XPR1: variants seen among roughly 807,000 people sequenced by gnomAD.
XPR1 encodes the protein solute carrier family 53 member 1.
In XPR1, 28 loss-of-function variants were observed where a neutral mutation model predicts 87.5. The observed-to-expected ratio is 0.32, with a 90% confidence interval of 0.24 to 0.44. The LOEUF (loss-of-function observed/expected upper bound fraction) is 0.44. Among genes scored for constraint, XPR1 ranks in the 20% least tolerant of loss-of-function variants. The pLI is 1.00. For missense variants in XPR1, 559 were observed against 862.3 expected (o/e 0.65, Z 4.41); for synonymous variants, 300 against 306.1 (o/e 0.98, Z 0.21).
intron 2 of XPR1, among the ~76,000 whole-genome samples, chr1:180,737,534 G>T (rs969798437): frequency 6.6e-6 from 1 of 152,140 alleles, no homozygotes; most frequent in Non-Finnish European, 1.5e-5. Flanking sequence ...GTAAATCCAT[G>T]TAATCAGCAC....
intron 2 of XPR1, among the ~76,000 whole-genome samples, chr1:180,708,855 C>A (rs1657644830): frequency 1.5e-5 from 2 of 130,200 alleles, no homozygotes; most frequent in Non-Finnish European, 3.1e-5. Context: ...ATTTTTAAAT[C>A]TTTATCTTCA....
intron 2 of XPR1, among the ~76,000 whole-genome samples, chr1:180,765,581 G>A (rs1648253009): frequency 6.6e-6 from 1 of 152,088 alleles, no homozygotes; most frequent in Admixed American, 6.5e-5. Context: ...GGGTGCCCAT[G>A]TTCCTTATAT....
intron 13 of XPR1, among the ~76,000 whole-genome samples, chr1:180,874,329 C>T (rs940801775): frequency 6.6e-6 from 1 of 152,080 alleles, no homozygotes; most frequent in Non-Finnish European, 1.5e-5. Flanking sequence ...TCATTTTTTG[C>T]AATTTGGCAG....
chr1:180,685,271 T>C (rs1656724625), intron 2 of XPR1, among the ~76,000 whole-genome samples: 1 of 152,246 alleles, frequency 6.6e-6, no homozygotes, highest in Non-Finnish European at 1.5e-5. Context: ...TGGTTCTGTT[T>C]ATATGTTGGA....
intron 12 of XPR1, among the ~76,000 whole-genome samples, chr1:180,864,524 G>C (rs1459327175): frequency 6.6e-6 from 1 of 152,072 alleles, no homozygotes; most frequent in Non-Finnish European, 1.5e-5. Context: ...AAAGACAAAG[G>C]AGAAGGAGTG....
In XPR1 at chr1:180,884,332, G is replaced by C; in HGVS notation, c.*266G>C. 2.7e-6 allele frequency: 1 copy of C among 367,566 alleles called. No homozygotes were observed. Among genetic ancestry groups the C allele is most frequent in the Middle Eastern group, 5.3e-4 (1 of 1,904 alleles). 22.8% of individuals were successfully genotyped at this position (367,566 alleles called of 1,614,324 possible). A position where few individuals can be genotyped will look rare whatever the true frequency, so the allele number is the denominator to read the frequency against. On this transcript the variant is annotated 3_prime_UTR_variant, in exon 15 of 15. Transcript: ENST00000367590. The stretch of plus-strand genomic sequence containing the variant: ...AGGATGTTTTAAGAAACAAAACATA[G>C]TATCTTATGGATTGTTTACAATCAC...
At chr1:180,791,530 GT>G (rs1261993836) in intron 3 of XPR1, among the ~76,000 whole-genome samples, 3 of 150,434 alleles carry the variant, frequency 2.0e-5, no homozygotes, top group African/African-American at 7.5e-5. Flanking sequence ...ACCCACCTTG[GT>G]CTCCCAAAGT....
At chr1:180,818,682 G>A (rs1185726527) in intron 7 of XPR1, among the ~76,000 whole-genome samples, 4 of 152,118 alleles carry the variant, frequency 2.6e-5, no homozygotes, top group Non-Finnish European at 5.9e-5. Flanking sequence ...ATGGATCAGA[G>A]AGATGATATA....
intron 2 of XPR1, among the ~76,000 whole-genome samples, chr1:180,719,480 T>C (rs905416400): frequency 4.6e-5 from 7 of 152,324 alleles, no homozygotes; most frequent in Non-Finnish European, 1.0e-4. Context: ...TCTCTGTACT[T>C]TTTGCTTTAT....
chr1:180,645,192 C>T (rs774570463), intron 1 of XPR1, among the ~76,000 whole-genome samples: 2 of 152,220 alleles, frequency 1.3e-5, no homozygotes, highest in South Asian at 2.1e-4. Flanking sequence ...AAAGCCAGTT[C>T]ACCTGGTTTA....
At chr1:180,710,795 C>G (rs1030527538) in intron 2 of XPR1, among the ~76,000 whole-genome samples, 1 of 139,486 alleles carries the variant, frequency 7.2e-6, no homozygotes, top group Non-Finnish European at 1.6e-5. Context: ...GGCGCCCCCC[C>G]ACCTCCCGGA....
At chr1:180,711,432 C>T (rs1274431094) in intron 2 of XPR1, among the ~76,000 whole-genome samples, 3 of 152,172 alleles carry the variant, frequency 2.0e-5, no homozygotes, top group Admixed American at 6.5e-5. Context: ...GCCAACACAG[C>T]GAAACCCCGT....
intron 9 of XPR1, among the ~76,000 whole-genome samples, chr1:180,833,153 T>G (rs1651133410): frequency 1.3e-5 from 2 of 152,124 alleles, no homozygotes; most frequent in Admixed American, 1.3e-4. Context: ...ATGATTTGGC[T>G]CTCTGTTTGT....
chr1:180,754,469 TA>T (rs1342142285), intron 2 of XPR1, among the ~76,000 whole-genome samples: 7 of 152,182 alleles, frequency 4.6e-5, no homozygotes, highest in African/African-American at 7.2e-5. Flanking sequence ...GTTTTTATTT[TA>T]TTTTTTTTGA....
intron 11 of XPR1, among the ~76,000 whole-genome samples, chr1:180,840,200 G>A (rs1270021018): frequency 4.3e-5 from 6 of 139,198 alleles, no homozygotes; most frequent in East Asian, 4.2e-4. Flanking sequence ...TCCGCAGTCC[G>A]GCCTGGGCGA....
At chr1:180,767,610 A>G (rs1028613615) in intron 2 of XPR1, among the ~76,000 whole-genome samples, 3 of 152,216 alleles carry the variant, frequency 2.0e-5, no homozygotes, top group Non-Finnish European at 4.4e-5. Context: ...GTGAAAGAAC[A>G]TTATGAAGCT....
chr1:180,657,916 G>T (rs1217100247), intron 1 of XPR1, among the ~76,000 whole-genome samples: 2 of 152,120 alleles, frequency 1.3e-5, no homozygotes, highest in African/African-American at 4.8e-5. Flanking sequence ...TCCAATCCAT[G>T]AACATGGAAT....
At chr1:180,669,887 A>G (rs1330513838) in intron 1 of XPR1, among the ~76,000 whole-genome samples, 1 of 152,198 alleles carries the variant, frequency 6.6e-6, no homozygotes, top group Admixed American at 6.5e-5. Context: ...AGTTATGTGA[A>G]TGTGGTCTCT....
intron 2 of XPR1, among the ~76,000 whole-genome samples, chr1:180,693,469 A>C (rs1021204769): frequency 1.3e-4 from 20 of 152,350 alleles, no homozygotes; most frequent in Admixed American, 1.3e-3. Context: ...CAGTATGAAG[A>C]AAAAAAGGTA....
Sources: allele counts gnomAD v4.1 joint callset (sites outside exome capture counted in the v4.1 genomes callset), GRCh38; gene constraint gnomAD v4.1.1; transcripts MANE v1.5; gene names NCBI Gene and HGNC (gene_info 2026-07-23, HGNC 2026-07-21).